Variants in ALCAM observed in about 807,000 individuals in gnomAD.
The protein encoded by ALCAM is CD166 antigen.
In ALCAM, 30 loss-of-function variants were observed where a neutral mutation model predicts 70.9. That is an observed-to-expected ratio of 0.42 (90% confidence interval 0.32 to 0.57). The LOEUF (loss-of-function observed/expected upper bound fraction) is 0.57, where lower values mean the gene tolerates loss of function less well. Ranked by LOEUF, ALCAM falls within the 20% of genes least tolerant of loss-of-function variation. The pLI, the probability that ALCAM is intolerant of heterozygous loss-of-function variation, is 0.11. For synonymous variants in ALCAM, 249 were observed against 242.5 expected, an observed-to-expected ratio of 1.03 and a Z score of -0.25; for missense variants, 591 against 695.1, an observed-to-expected ratio of 0.85 and a Z score of 1.68.
At chr3:105,531,382 A>G (rs1162171071) in intron 3 of ALCAM, 3 of 152,196 alleles carry the variant, frequency 2.0e-5, no homozygotes, top group Non-Finnish European at 4.4e-5. Flanking sequence ...CTTAAGAGGT[A>G]AAGTTAGAGA....
intron 8 of ALCAM, chr3:105,544,978 C>T (rs1411956995): frequency 1.7e-5 from 7 of 402,886 alleles, no homozygotes; most frequent in East Asian, 1.1e-4. Flanking sequence ...ATATCAATCA[C>T]GTTAACTGCA....
chr3:105,498,804 T>C (rs2399047), intron 1 of ALCAM, among the ~76,000 whole-genome samples: 63,323 of 151,924 alleles, frequency 0.42, 13,975 homozygotes, highest in Admixed American at 0.53. Context: ...AAGATGATCC[T>C]GACTCCTTGC....
chr3:105,531,590 G>A (rs1939840798), intron 3 of ALCAM, among the ~76,000 whole-genome samples: 1 of 151,794 alleles, frequency 6.6e-6, no homozygotes, highest in East Asian at 1.9e-4. Context: ...TTTTAAACAA[G>A]TATCTTTGTG....
At chr3:105,553,496 A>G (rs1261943804) in intron 14 of ALCAM, among the ~76,000 whole-genome samples, 1 of 151,896 alleles carries the variant, frequency 6.6e-6, no homozygotes, top group Non-Finnish European at 1.5e-5. Flanking sequence ...ACTTAATTTT[A>G]TATTATGTCT....
intron 1 of ALCAM, among the ~76,000 whole-genome samples, chr3:105,380,698 C>T (rs1935496093): frequency 6.6e-6 from 1 of 151,960 alleles, no homozygotes; most frequent in South Asian, 2.1e-4. Context: ...TAATATCACA[C>T]ATTAGACCTC....
chr3:105,561,006 AT>A (rs1940619203), intron 14 of ALCAM, among the ~76,000 whole-genome samples: 1 of 152,112 alleles, frequency 6.6e-6, no homozygotes, highest in Non-Finnish European at 1.5e-5. Context: ...ACTTACTAAT[AT>A]TTGGTCTTCA....
chr3:105,492,493 T>C (rs752640914), intron 1 of ALCAM, among the ~76,000 whole-genome samples: 1 of 152,206 alleles, frequency 6.6e-6, no homozygotes, highest in Non-Finnish European at 1.5e-5. Flanking sequence ...GAATGCATAA[T>C]TGCCAAAAAA....
chr3:105,493,930 G>T (rs1938659931), intron 1 of ALCAM, among the ~76,000 whole-genome samples: 2 of 152,006 alleles, frequency 1.3e-5, no homozygotes, highest in Admixed American at 1.3e-4. Flanking sequence ...TATTATTAAG[G>T]TTTAGGATAT....
At chr3:105,566,523 C>T (rs1373769348) in intron 14 of ALCAM, among the ~76,000 whole-genome samples, 1 of 152,088 alleles carries the variant, frequency 6.6e-6, no homozygotes, top group Non-Finnish European at 1.5e-5. Context: ...GTCCTTCCAT[C>T]CTGCCTTCTT....
chr3:105,452,639 G>A (rs1937456509), intron 1 of ALCAM, among the ~76,000 whole-genome samples: 6 of 152,134 alleles, frequency 3.9e-5, no homozygotes, highest in Admixed American at 3.9e-4. Context: ...AGATCCTTGA[G>A]GAATTGCCAT....
chr3:105,523,635 A>G (rs3772559), intron 2 of ALCAM, among the ~76,000 whole-genome samples: 26,768 of 152,178 alleles, frequency 0.18, 2,648 homozygotes, highest in East Asian at 0.39. Context: ...TATGCAGAGT[A>G]CATCTTATTT....
chr3:105,399,340 G>A (rs1489612038), intron 1 of ALCAM, among the ~76,000 whole-genome samples: 1 of 151,592 alleles, frequency 6.6e-6, no homozygotes, highest in Non-Finnish European at 1.5e-5. Context: ...AGTGATTGTT[G>A]GTATATTTAC....
In ALCAM at chr3:105,419,626, T is replaced by C. The variant is rs562181952; in HGVS notation, c.73+52145T>C. On this transcript the variant is annotated intron_variant, in intron 1 of 15. Transcript: ENST00000306107. The stretch of plus-strand genomic sequence containing the variant: ...AATGAATATAAAGAGCAAAATTTTG[T>C]TAAGCCTTGAAACAGAAAAATTTCC... Among the ~76,000 whole-genome samples the C allele has an allele frequency of 5.3e-5, 8 of 151,850 alleles. No homozygotes were observed. In the East Asian group the frequency reaches 1.6e-3, roughly 29 times the overall value.
At chr3:105,468,140 A>T (rs1005651386) in intron 1 of ALCAM, among the ~76,000 whole-genome samples, 3 of 151,382 alleles carry the variant, frequency 2.0e-5, no homozygotes, top group African/African-American at 7.3e-5. Context: ...TCTGATTCAG[A>T]CTAAACATGT....
intron 1 of ALCAM, among the ~76,000 whole-genome samples, chr3:105,495,552 T>A (rs1451947068): frequency 6.6e-6 from 1 of 152,066 alleles, no homozygotes; most frequent in Non-Finnish European, 1.5e-5. Context: ...AATGAAATAG[T>A]GAGACAACAA....
At chr3:105,373,165 T>G (rs1019563449) in intron 1 of ALCAM, among the ~76,000 whole-genome samples, 1 of 152,030 alleles carries the variant, frequency 6.6e-6, no homozygotes, top group Non-Finnish European at 1.5e-5. Flanking sequence ...AGGTTGACTC[T>G]CCAGTAGGAT....
chr3:105,544,404 A>G (rs1236459759), intron 8 of ALCAM, among the ~76,000 whole-genome samples: 2 of 151,324 alleles, frequency 1.3e-5, no homozygotes, highest in Non-Finnish European at 3.0e-5. Flanking sequence ...TCTGTTCTCT[A>G]TACTTCCATT....
At chr3:105,391,255 G>A (rs187276576) in intron 1 of ALCAM, among the ~76,000 whole-genome samples, 192 of 151,910 alleles carry the variant, frequency 1.3e-3, no homozygotes, top group African/African-American at 4.1e-3. Context: ...ATTTGTTTGC[G>A]TCCTTTCTTA....
intron 8 of ALCAM, 87 bp from the exon 9 acceptor site, chr3:105,545,136 T>G (rs1940213199): frequency 1.1e-6 from 1 of 894,462 alleles, no homozygotes; most frequent in South Asian, 1.3e-5. Context: ...AGAAGAAATT[T>G]ATTTTCTTTC....
Sources: allele counts gnomAD v4.1 joint callset (sites outside exome capture counted in the v4.1 genomes callset), GRCh38; gene constraint gnomAD v4.1.1; transcripts MANE v1.5; gene names NCBI Gene and HGNC (gene_info 2026-07-23, HGNC 2026-07-21).